MROH1: variants seen among roughly 807,000 people sequenced by gnomAD.
MROH1 encodes maestro heat-like repeat-containing protein family member 1.
A neutral mutation model predicts 116.5 loss-of-function variants in MROH1; 117 were observed. The ratio of observed to expected loss-of-function variants is 1.00; its 90% CI spans 0.86 to 1.17. The LOEUF (loss-of-function observed/expected upper bound fraction) is 1.17. Among genes scored for constraint, MROH1 ranks in the 50% most tolerant of loss-of-function variants. MROH1 has a pLI of 0.00. For missense variants in MROH1, 1,873 were observed against 1,338.5 expected (o/e 1.40, Z -6.23); for synonymous variants, 921 against 583.9 (o/e 1.58, Z -8.32).
intron 3 of MROH1, among the ~76,000 whole-genome samples, 190 bp downstream of exon 3, chr8:144,164,038 T>G (rs866847125): frequency 3.3e-5 from 5 of 151,906 alleles, no homozygotes; most frequent in African/African-American, 2.4e-5. Flanking sequence ...AGCCTTCAGT[T>G]TGGGACTCCA....
rs1830898058 is a variant in MROH1 at position 144,200,598 on chromosome 8, G to A, written c.1141+57G>A. 5 of 1,205,480 alleles carry A rather than the reference G, an allele frequency of 4.1e-6. No individual in the cohort carries two copies. The South Asian group carries it at 5.2e-5, about 12-fold the overall frequency. The allele number at this position is 1,205,480 out of a possible 1,614,324, so 74.7% of individuals were successfully genotyped here. The stretch of plus-strand genomic sequence containing the variant: ...CCCTGGCCATGTCCAGGATGGAGCA[G>A]GTCCTGGCAGATTGTGTCCCTCTAA... On this transcript the variant is annotated intron_variant, in intron 12 of 43. Coordinates refer to ENST00000326134, the MANE Select transcript of MROH1 (RefSeq NM_032450.3).
At chr8:144,225,699 G>C (rs1837653427) in intron 14 of MROH1, among the ~76,000 whole-genome samples, 1 of 151,840 alleles carries the variant, frequency 6.6e-6, no homozygotes, top group Non-Finnish European at 1.5e-5. Context: ...TCACAGGCAT[G>C]CACCACCATG....
At chr8:144,250,478 C>T (rs1842672107) in intron 33 of MROH1, 112 bp downstream of exon 33, 1 of 700,378 alleles carries the variant, frequency 1.4e-6, no homozygotes, top group Non-Finnish European at 2.6e-6. Context: ...TGCATGAGTT[C>T]CCATGGCTGT....
At chr8:144,153,171 C>A (rs1391423246) in intron 1 of MROH1, among the ~76,000 whole-genome samples, 1 of 152,014 alleles carries the variant, frequency 6.6e-6, no homozygotes, top group Non-Finnish European at 1.5e-5. Flanking sequence ...TTCAGTACAT[C>A]CCATTTCTCG....
chr8:144,255,183 C>CGG (rs1400304465), intron 34 of MROH1, among the ~76,000 whole-genome samples: 8 of 152,232 alleles, frequency 5.3e-5, no homozygotes, highest in African/African-American at 1.9e-4. Context: ...TTTTATCCTG[C>CGG]GGAAAAAAAA....
chr8:144,198,210 T>A (rs1431520787), intron 10 of MROH1, among the ~76,000 whole-genome samples: 1 of 152,140 alleles, frequency 6.6e-6, no homozygotes, highest in Non-Finnish European at 1.5e-5. Flanking sequence ...TTGCTGTGGT[T>A]ACCTCTTCTG....
At chr8:144,249,706 C>T (rs1004957933) in intron 32 of MROH1, among the ~76,000 whole-genome samples, 2 of 152,192 alleles carry the variant, frequency 1.3e-5, no homozygotes, top group Non-Finnish European at 2.9e-5. Flanking sequence ...CTCACAGCCC[C>T]CCCCAAGTCC....
intron 32 of MROH1, among the ~76,000 whole-genome samples, chr8:144,249,537 G>A (rs1467616676): frequency 1.3e-5 from 2 of 152,118 alleles, no homozygotes; most frequent in Non-Finnish European, 2.9e-5. Context: ...TCATGAGCAG[G>A]GAGCCCCCTC....
At chr8:144,245,083 C>T in intron 28 of MROH1, 73 bp from the exon 29 acceptor site, 1 of 776,284 alleles carries the variant, frequency 1.3e-6, no homozygotes. Flanking sequence ...ACTGAGCTGG[C>T]CCACGATGCA....
chr8:144,154,285 C>T (rs1421245822), intron 1 of MROH1, among the ~76,000 whole-genome samples: 1 of 152,124 alleles, frequency 6.6e-6, no homozygotes, highest in African/African-American at 2.4e-5. Flanking sequence ...TCAGGCTGGT[C>T]TCAAACTCTT....
At chr8:144,260,568 G>A in intron 39 of MROH1, 109 bp from the exon 40 acceptor site, 2 of 761,992 alleles carry the variant, frequency 2.6e-6, no homozygotes, top group South Asian at 1.4e-5. Flanking sequence ...CCGTCGGGGT[G>A]TTTCCTGGCC....
intron 4 of MROH1, among the ~76,000 whole-genome samples, chr8:144,177,494 C>T (rs1824306099): frequency 6.6e-6 from 1 of 152,244 alleles, no homozygotes. Flanking sequence ...TCCTGCGTGG[C>T]TGTCTTCACT....
At chr8:144,219,572 T>C (rs1458975724) in intron 12 of MROH1, among the ~76,000 whole-genome samples, 1 of 152,178 alleles carries the variant, frequency 6.6e-6, no homozygotes, top group Non-Finnish European at 1.5e-5. Context: ...CTGGAACCTG[T>C]CTTTTCTGAG....
intron 10 of MROH1, among the ~76,000 whole-genome samples, chr8:144,195,898 T>C (rs551146816): frequency 6.6e-6 from 1 of 152,148 alleles, no homozygotes; most frequent in Non-Finnish European, 1.5e-5. Flanking sequence ...GTTTATGATA[T>C]TTTTTGGCCA....
At chr8:144,183,243 A>T (rs1313985537) in intron 7 of MROH1, among the ~76,000 whole-genome samples, 1 of 151,248 alleles carries the variant, frequency 6.6e-6, no homozygotes, top group Non-Finnish European at 1.5e-5. Flanking sequence ...TTTGCCAGGT[A>T]TGGTAGCACA....
rs2132171694 is a variant in MROH1, at chr8:144,213,407, T to C, written c.1142-7193T>C. On this transcript the variant is annotated intron_variant, in intron 12 of 43. Transcript: ENST00000326134. ...TCCTTGAGTGTCTTAAGTTATTCCATATTCTTCTGGCAGAGAGTTGCCAGA... is the reference window on the plus strand; with the variant it reads ...TCCTTGAGTGTCTTAAGTTATTCCACATTCTTCTGGCAGAGAGTTGCCAGA... The C allele has an allele frequency of 1.0e-5, 3 of 294,122 alleles. No individual in the cohort carries two copies. The East Asian group carries it at 1.7e-4, about 17-fold the overall frequency. 18.2% of individuals were successfully genotyped at this position (294,122 alleles called of 1,614,324 possible). A position where few individuals can be genotyped will look rare whatever the true frequency, so the allele number is the denominator to read the frequency against.
At chr8:144,220,746 G>A in intron 13 of MROH1, 73 bp downstream of exon 13, 2 of 1,374,768 alleles carry the variant, frequency 1.5e-6, no homozygotes, top group Non-Finnish European at 2.0e-6. Context: ...AGGCTGTGCT[G>A]TGAGATCACC....
At chr8:144,249,134 T>C (rs6998844) in intron 32 of MROH1, 105 bp downstream of exon 32, 79,571 of 687,374 alleles carry the variant, frequency 0.12, 5,770 homozygotes, top group African/African-American at 0.24. Context: ...GAGGTGGCAC[T>C]GCGGGAGAAA....
chr8:144,242,713 C>T (rs1185874522), intron 24 of MROH1, 85 bp downstream of exon 24: 7 of 729,276 alleles, frequency 9.6e-6, no homozygotes, highest in South Asian at 4.4e-5. Flanking sequence ...AGGCAGAGGC[C>T]GGAGGGGGAG....
Sources: gnomAD v4.1 joint callset for allele counts (sites outside exome capture counted in the v4.1 genomes callset) on GRCh38, gnomAD v4.1.1 for gene constraint, MANE v1.5 for transcripts, NCBI Gene and HGNC (gene_info 2026-07-23, HGNC 2026-07-21) for gene names.